MIPEP: variants seen among roughly 807,000 people sequenced by gnomAD.
MIPEP encodes the protein mitochondrial intermediate peptidase.
In MIPEP, 79 loss-of-function variants were observed where a neutral mutation model predicts 90.3. The ratio of observed to expected loss-of-function variants is 0.87; its 90% confidence interval spans 0.73 to 1.05. The LOEUF (loss-of-function observed/expected upper bound fraction) is 1.05, where lower values mean the gene tolerates loss of function less well. MIPEP is among the 50% of genes least tolerant of loss of function. The pLI, the probability that MIPEP is intolerant of heterozygous loss-of-function variation, is 0.00. For synonymous variants in MIPEP, 334 were observed against 315.8 expected (o/e 1.06, Z -0.61); for missense variants, 940 against 905.6 (o/e 1.04, Z -0.49).
chr13:23,814,660 C>T (rs1953213963), intron 14 of MIPEP, among the ~76,000 whole-genome samples: 1 of 152,190 alleles, frequency 6.6e-6, no homozygotes, highest in African/African-American at 2.4e-5. Context: ...AACAACTGTG[C>T]AAGAAACATC....
intron 10 of MIPEP, 59 bp downstream of exon 10, chr13:23,858,801 T>G (rs772122380): frequency 2.1e-4 from 301 of 1,465,552 alleles, no homozygotes; most frequent in Non-Finnish European, 2.6e-4. Flanking sequence ...CAGTAGCTGC[T>G]GAATAAACAT....
At chr13:23,814,483 G>A (rs763478414) in intron 14 of MIPEP, among the ~76,000 whole-genome samples, 47 of 151,772 alleles carry the variant, frequency 3.1e-4, no homozygotes, top group Non-Finnish European at 5.2e-4. Flanking sequence ...GGATGGTCTC[G>A]ATCTCCTGAC....
intron 18 of MIPEP, among the ~76,000 whole-genome samples, chr13:23,738,766 A>G (rs1952292243): frequency 6.6e-6 from 1 of 152,126 alleles, no homozygotes; most frequent in South Asian, 2.1e-4. Context: ...CTTTCTTCTG[A>G]AAACTATGAT....
At chr13:23,868,411 T>C (rs905557148) in intron 7 of MIPEP, among the ~76,000 whole-genome samples, 2 of 151,988 alleles carry the variant, frequency 1.3e-5, no homozygotes, top group African/African-American at 4.8e-5. Context: ...TTAGAGAACT[T>C]TGGAGAAGAG....
intron 14 of MIPEP, among the ~76,000 whole-genome samples, chr13:23,830,352 A>G (rs1378830606): frequency 6.6e-6 from 1 of 152,254 alleles, no homozygotes; most frequent in Non-Finnish European, 1.5e-5. Context: ...TAAAGTTCAA[A>G]AAACTGAACA....
chr13:23,823,068 G>A (rs7325686), intron 14 of MIPEP, among the ~76,000 whole-genome samples: 151,086 of 152,168 alleles, frequency 0.99, 75,027 homozygotes, highest in Middle Eastern at 1. Flanking sequence ...ATTGTGTGTT[G>A]AAGTTTTAGA....
chr13:23,881,932 T>C, intron 2 of MIPEP, 145 bp from the exon 3 acceptor site: 1 of 624,314 alleles, frequency 1.6e-6, no homozygotes, highest in Non-Finnish European at 2.9e-6. Context: ...CCTAAGCGAG[T>C]AAAGCAAAGC....
intron 16 of MIPEP, among the ~76,000 whole-genome samples, chr13:23,791,556 C>T (rs1161424199): frequency 2.0e-5 from 3 of 152,172 alleles, no homozygotes; most frequent in South Asian, 2.1e-4. Flanking sequence ...GCTGTGCTCT[C>T]GGGCTCTACG....
intron 18 of MIPEP, among the ~76,000 whole-genome samples, chr13:23,753,998 T>C (rs1436226082): frequency 6.6e-6 from 1 of 152,194 alleles, no homozygotes; most frequent in African/African-American, 2.4e-5. Context: ...AAGGCAGGTG[T>C]TCTATTTCTT....
intron 16 of MIPEP, among the ~76,000 whole-genome samples, chr13:23,793,110 C>A (rs1256167626): frequency 1.3e-5 from 2 of 152,132 alleles, no homozygotes. Context: ...ATGTTTATGT[C>A]CACCAAAAAC....
chr13:23,763,382 C>T (rs998517574), intron 16 of MIPEP, among the ~76,000 whole-genome samples: 2 of 152,106 alleles, frequency 1.3e-5, no homozygotes, highest in Non-Finnish European at 2.9e-5. Flanking sequence ...GTGGAAGCCC[C>T]GGAATTTGTA....
chr13:23,884,069 C>CA (rs1309395314), intron 2 of MIPEP, among the ~76,000 whole-genome samples: 3 of 151,228 alleles, frequency 2.0e-5, no homozygotes, highest in Non-Finnish European at 4.4e-5. Context: ...GGAAATTTTC[C>CA]AAAAAAGGAA....
At chr13:23,792,468 T>C (rs1028250085) in intron 16 of MIPEP, among the ~76,000 whole-genome samples, 30 of 152,180 alleles carry the variant, frequency 2.0e-4, no homozygotes, top group African/African-American at 7.0e-4. Context: ...CTCATTGCCT[T>C]GACTGGACTC....
At chr13:23,738,305 G>T (rs1404171430) in intron 18 of MIPEP, among the ~76,000 whole-genome samples, 1 of 152,024 alleles carries the variant, frequency 6.6e-6, no homozygotes, top group African/African-American at 2.4e-5. Flanking sequence ...ATACTATGAA[G>T]TTTTTTCTTG....
rs74587888 is a variant in MIPEP at position 23,791,458 on chromosome 13, T to C, written c.1848+14492A>G. ...TGCTCAGCTGGTGCCCTGCTTCCGA[T>C]TGACTGAGCAAAGCCCCGGAAGAGG... On this transcript the variant is annotated intron_variant, in intron 16 of 18. Transcript: ENST00000382172. Among the ~76,000 whole-genome samples the C allele has an allele frequency of 2.1e-3, 327 of 152,268 alleles. 2 individuals carry two copies. The highest frequency in any genetic ancestry group is 7.0e-3 in the African/African-American group (291 of 41,566).
chr13:23,779,757 C>T (rs923176759), intron 16 of MIPEP, among the ~76,000 whole-genome samples: 9 of 152,270 alleles, frequency 5.9e-5, no homozygotes, highest in Non-Finnish European at 1.0e-4. Context: ...TCACTCCCAC[C>T]CTAATACTGT....
chr13:23,734,322 G>A (rs1421310608), intron 18 of MIPEP, among the ~76,000 whole-genome samples: 1 of 152,092 alleles, frequency 6.6e-6, no homozygotes, highest in Non-Finnish European at 1.5e-5. Context: ...CTCCACGTGT[G>A]TCCGTGTCCT....
intron 9 of MIPEP, among the ~76,000 whole-genome samples, chr13:23,861,933 C>T (rs369192956): frequency 1.3e-5 from 2 of 152,194 alleles, no homozygotes; most frequent in African/African-American, 4.8e-5. Context: ...TGAACTGCAA[C>T]ATTAACACTG....
chr13:23,881,867 T>C, intron 2 of MIPEP, 80 bp from the exon 3 acceptor site: 2 of 1,180,202 alleles, frequency 1.7e-6, no homozygotes, highest in East Asian at 2.5e-5. Flanking sequence ...AAATGAAAAC[T>C]GGGTTTTAAG....
Sources: gnomAD v4.1 joint callset for allele counts (sites outside exome capture counted in the v4.1 genomes callset) on GRCh38, gnomAD v4.1.1 for gene constraint, MANE v1.5 for transcripts, NCBI Gene and HGNC (gene_info 2026-07-23, HGNC 2026-07-21) for gene names.